Variants in PRKD2 observed in about 807,000 individuals in gnomAD.
PRKD2 encodes protein kinase D2.
Under a neutral mutation model 86.0 loss-of-function variants are expected in PRKD2, and 22 were observed. That is an observed-to-expected ratio of 0.26 (90% CI 0.18 to 0.37). PRKD2 has a LOEUF of 0.37. Among genes scored for constraint, PRKD2 ranks in the 10% least tolerant of loss-of-function variants. The probability of loss-of-function intolerance (pLI) is 1.00; values close to 1 mark genes in which losing one functional copy is unlikely to be tolerated. For synonymous variants in PRKD2, 509 were observed against 510.9 expected (o/e 1.00, Z 0.05); for missense variants, 818 against 1,199.2 (o/e 0.68, Z 4.70).
rs757768466 is a variant in PRKD2, at chr19:46,693,858, G to A, written c.1576+17C>T. On this transcript the variant is annotated intron_variant, in intron 10 of 17. Coordinates refer to ENST00000291281, the MANE Select transcript of PRKD2 (RefSeq NM_016457.5). This position sits in a 1 kb window ranked among gnomAD's most constrained non-coding sequence, Gnocchi z 4.5. ...TCTAGATCTATTCTCTCAAGGACCC[G>A]AGGTGGGAGGACTTACTGTGGGGCG... 13 of 1,580,684 alleles carry A rather than the reference G, an allele frequency of 8.2e-6. No homozygotes were observed. Among genetic ancestry groups the A allele is most frequent in the East Asian group, 6.7e-5 (3 of 44,484 alleles).
In PRKD2 at chr19:46,711,033, C is replaced by A; in HGVS notation, c.385G>T (p.Ala129Ser). The A allele has an allele frequency of 6.3e-7, 1 of 1,581,416 alleles. No homozygotes were observed. Among genetic ancestry groups the A allele is most frequent in the East Asian group, 2.3e-5 (1 of 43,304 alleles). Residue 129 changes from alanine to serine, a missense_variant, in exon 3 of 18, where the codon GCC (alanine) becomes TCC (serine). Around this residue, in one of 5 missense-constraint regions of PRKD2, gnomAD observed 403 missense variants for 518.6 expected, o/e 0.78. Coordinates refer to ENST00000291281, the MANE Select transcript of PRKD2 (RefSeq NM_016457.5). ...CGGATCTGGAAGTCCTCGAAGGTGG[C>A]CGAGGCTGTAGGCGGAAAATAGGGG... The part of the protein sequence containing the change: ...DLVEVVLSAS[A>S]TFEDFQIRPH...
In PRKD2 at chr19:46,678,214, C is replaced by G. The variant is rs555157943; in HGVS notation, c.2338+182G>C. 6.6e-6 allele frequency among the ~76,000 whole-genome samples: 1 copy of G among 152,168 alleles called. No individual in the cohort carries two copies. Among genetic ancestry groups the G allele is most frequent in the Admixed American group, 6.5e-5 (1 of 15,268 alleles). ...AACCTAGTCTAGGCCTGAGTCCCAGCCCATCTTTTACAGGACGGCTCCTCC... is the reference window on the plus strand; with the variant it reads ...AACCTAGTCTAGGCCTGAGTCCCAGGCCATCTTTTACAGGACGGCTCCTCC... On this transcript the variant is annotated intron_variant, in intron 16 of 17. Transcript: ENST00000291281. The surrounding 1 kb of genome is among the most constrained non-coding windows in gnomAD (Gnocchi z 5.7).
chr19:46,678,777 T>G lies in PRKD2; in HGVS notation c.2071-114A>C. On this transcript the variant is annotated intron_variant, in intron 15 of 17. Coordinates refer to ENST00000291281, the MANE Select transcript of PRKD2 (RefSeq NM_016457.5). This position sits in a 1 kb window ranked among gnomAD's most constrained non-coding sequence, Gnocchi z 5.7. ...AGAGAAAGCTGGATGCTGGTTTGAA[T>G]CCAGGCTCCTTGGCTCACTAGCTGA... 1 of 1,307,636 alleles carries G rather than the reference T, an allele frequency of 7.6e-7. No individual in the cohort carries two copies. Among genetic ancestry groups the G allele is most frequent in the South Asian group, 1.4e-5 (1 of 68,998 alleles). 81.0% of individuals were successfully genotyped at this position (1,307,636 alleles called of 1,614,324 possible). A position where few individuals can be genotyped will look rare whatever the true frequency, so the allele number is the denominator to read the frequency against.
chr19:46,681,815 G>C, intron 14 of PRKD2, 67 bp from the exon 15 acceptor site: 2 of 960,742 alleles, frequency 2.1e-6, no homozygotes, highest in Non-Finnish European at 3.3e-6. Flanking sequence ...AACCTCAGCA[G>C]CCAGCCCTCC....
rs756220895 is a variant in PRKD2, at chr19:46,694,149, C to T, written c.1318-16G>A. Reference sequence around the variant, plus strand: ...GCGGAATTTCCTGCAGGACGTGGAACCAGCACAGGTGAGGATGCCAGGCAG... The same window carrying T: ...GCGGAATTTCCTGCAGGACGTGGAATCAGCACAGGTGAGGATGCCAGGCAG... On this transcript the variant is annotated splice_polypyrimidine_tract_variant and intron_variant, in intron 9 of 17. Coordinates refer to ENST00000291281, the MANE Select transcript of PRKD2 (RefSeq NM_016457.5). 1 of 1,612,024 alleles carries T rather than the reference C, an allele frequency of 6.2e-7. No homozygotes were observed. The highest frequency in any genetic ancestry group is 8.5e-7 in the Non-Finnish European group (1 of 1,178,502).
intron 10 of PRKD2, among the ~76,000 whole-genome samples, chr19:46,692,500 C>CA (rs1379672750): frequency 6.6e-6 from 1 of 151,784 alleles, no homozygotes; most frequent in Non-Finnish European, 1.5e-5. Flanking sequence ...GTCCTCACCC[C>CA]ACAGCCCCTT....
At chr19:46,675,144 A>G in intron 16 of PRKD2, 26 bp from the exon 17 acceptor site, 7 of 1,590,034 alleles carry the variant, frequency 4.4e-6, no homozygotes, top group Non-Finnish European at 6.0e-6. Context: ...AAACAGGTCA[A>G]GCCCTACAGG....
At position 46,678,712 on chromosome 19, in the gene PRKD2, C is replaced by T. The variant is rs761463286; in HGVS notation, c.2071-49G>A. 6.4e-7 allele frequency: 1 copy of T among 1,562,340 alleles called. No homozygotes were observed. ...CTCCACCAGGTGATGGAGCCGCACC[C>T]ACCCCAGCATCCCCACCACACCACC... is the stretch of plus-strand genomic sequence containing the variant. On this transcript the variant is annotated intron_variant, in intron 15 of 17. Transcript: ENST00000291281. This position sits in a 1 kb window ranked among gnomAD's most constrained non-coding sequence, Gnocchi z 5.7.
intron 14 of PRKD2, among the ~76,000 whole-genome samples, chr19:46,688,436 A>ATT (rs1370948254): frequency 2.1e-5 from 3 of 144,626 alleles, no homozygotes; most frequent in African/African-American, 5.2e-5. Flanking sequence ...TATTATTATT[A>ATT]TTATTATTTT....
Position 46,691,914 on chromosome 19 carries a change from G to T in PRKD2, c.1629+19C>A. The T allele has an allele frequency of 1.9e-6, 3 of 1,613,320 alleles. No homozygotes were observed. Among genetic ancestry groups the T allele is most frequent in the Non-Finnish European group, 2.5e-6 (3 of 1,179,344 alleles). On this transcript the variant is annotated intron_variant, in intron 11 of 17. Transcript: ENST00000291281. ...GGTTTGTGGGAGGGGAGGGCATCAG[G>T]TGGGGGCAGGAGTCTCACCACATTC...
rs1449191589 is a variant in PRKD2, at chr19:46,711,009, G to A, written c.409C>T (p.Arg137Cys). 6.3e-7 allele frequency: 1 copy of A among 1,581,452 alleles called. No individual in the cohort carries two copies. Among genetic ancestry groups the A allele is most frequent in the Admixed American group, 1.8e-5 (1 of 54,928 alleles). Residue 137 changes from arginine to cysteine, a missense_variant, in exon 3 of 18, where the codon CGC (arginine) becomes TGC (cysteine). Transcript: ENST00000291281. Reference protein sequence around the residue: ...ASATFEDFQIRPHALTVHSYR... With the variant: ...ASATFEDFQICPHALTVHSYR... Reference sequence around the variant, plus strand: ...GAGTGCACCGTGAGGGCGTGCGGGCGGATCTGGAAGTCCTCGAAGGTGGCC... The same window carrying A: ...GAGTGCACCGTGAGGGCGTGCGGGCAGATCTGGAAGTCCTCGAAGGTGGCC...
At chr19:46,715,085 T>C (rs2053866068) in intron 1 of PRKD2, among the ~76,000 whole-genome samples, 1 of 152,216 alleles carries the variant, frequency 6.6e-6, no homozygotes, top group Admixed American at 6.5e-5. Context: ...GCTCACATTA[T>C]AGAATTATAC....
In PRKD2 at chr19:46,697,806, C is replaced by G. The variant is rs1410294659; in HGVS notation, c.1166G>C (p.Arg389Pro). 6.2e-7 allele frequency: 1 copy of G among 1,613,894 alleles called. No homozygotes were observed. Among genetic ancestry groups the G allele is most frequent in the African/African-American group, 1.3e-5 (1 of 74,864 alleles). Residue 389 changes from arginine (R) to proline (P), a missense_variant, in exon 8 of 18, where the codon CGA (arginine) becomes CCA (proline). By Grantham distance (103) the Arg-to-Pro change is moderately radical. Coordinates refer to ENST00000291281, the MANE Select transcript of PRKD2 (RefSeq NM_016457.5). ...GGTGCTGGATTTCCGCGTCGTGTGT[C>G]GCACCGATTGCACCACCCTCATTAG... The part of the protein sequence containing the change: ...IPLMRVVQSV[R>P]HTTRKSSTTL...
chr19:46,680,096 G>T (rs547098467), intron 15 of PRKD2, among the ~76,000 whole-genome samples: 2 of 152,112 alleles, frequency 1.3e-5, no homozygotes, highest in South Asian at 4.2e-4. Flanking sequence ...ACTGTTGCTT[G>T]CAGGATAGAG....
intron 3 of PRKD2, among the ~76,000 whole-genome samples, chr19:46,707,150 C>T (rs1353718445): frequency 6.6e-6 from 1 of 152,088 alleles, no homozygotes; most frequent in African/African-American, 2.4e-5. Context: ...CCTTGGCCTC[C>T]CAAAGTGCTG....
intron 16 of PRKD2, 42 bp from the exon 17 acceptor site, chr19:46,675,160 G>A (rs780770759): frequency 1.3e-6 from 2 of 1,546,632 alleles, no homozygotes; most frequent in East Asian, 2.3e-5. Context: ...ACAGGTCAAG[G>A]GTCACTCCTC....
At chr19:46,677,853 C>T (rs1180859196) in intron 16 of PRKD2, among the ~76,000 whole-genome samples, 1 of 152,194 alleles carries the variant, frequency 6.6e-6, no homozygotes, top group Non-Finnish European at 1.5e-5. Context: ...AGACTGGCTC[C>T]CTTGGTCACT....
At chr19:46,714,298 G>T in intron 1 of PRKD2, 1 of 1,177,632 alleles carries the variant, frequency 8.5e-7, no homozygotes, top group Non-Finnish European at 1.1e-6. Flanking sequence ...GGAACCTGGC[G>T]GAGGTGGGAG....
chr19:46,697,675 G>A, intron 8 of PRKD2, 58 bp downstream of exon 8: 1 of 1,509,798 alleles, frequency 6.6e-7, no homozygotes. Context: ...TACTCAAGCT[G>A]AGCCGCCCCT....
Sources: allele counts gnomAD v4.1 joint callset (sites outside exome capture counted in the v4.1 genomes callset), GRCh38; gene constraint gnomAD v4.1.1; regional missense constraint gnomAD v4.1.1; non-coding constraint Gnocchi (gnomAD v3.1); transcripts MANE v1.5; gene names NCBI Gene and HGNC (gene_info 2026-07-23, HGNC 2026-07-21).